The following IQCM variants were observed in gnomAD, a reference collection of about 807,000 sequenced individuals.
IQCM encodes the protein IQ motif containing M.
A neutral mutation model predicts 57.6 loss-of-function variants in IQCM; 45 were observed. That is an observed-to-expected ratio of 0.78 (90% confidence interval 0.62 to 1.00). The LOEUF is 1.00. Among genes scored for constraint, IQCM ranks in the 50% least tolerant of loss-of-function variants. IQCM has a pLI of 0.00. For missense variants in IQCM, 468 were observed against 511.6 expected, an observed-to-expected ratio of 0.91 and a Z score of 0.82; for synonymous variants, 148 against 158.9, an observed-to-expected ratio of 0.93 and a Z score of 0.51.
At chr4:149,808,489 A>T (rs1774278207) in intron 2 of IQCM, among the ~76,000 whole-genome samples, 1 of 152,190 alleles carries the variant, frequency 6.6e-6, no homozygotes, top group African/African-American at 2.4e-5. Context: ...TGCAGTAAAG[A>T]AATTATAGTT....
At chr4:149,573,368 A>T (rs994993780) in intron 9 of IQCM, among the ~76,000 whole-genome samples, 2 of 151,758 alleles carry the variant, frequency 1.3e-5, no homozygotes, top group Non-Finnish European at 2.9e-5. Flanking sequence ...CCTCTTCAAG[A>T]CCTTCCTTCA....
intron 7 of IQCM, among the ~76,000 whole-genome samples, chr4:149,630,460 G>T (rs1167703943): frequency 6.6e-6 from 1 of 152,136 alleles, no homozygotes; most frequent in Non-Finnish European, 1.5e-5. Context: ...AGAGGTCCTG[G>T]GGAAAAGTGG....
chr4:149,558,288 G>C (rs1291763257), intron 10 of IQCM, among the ~76,000 whole-genome samples: 1 of 152,122 alleles, frequency 6.6e-6, no homozygotes, highest in Non-Finnish European at 1.5e-5. Context: ...CAGGTTTCAA[G>C]GAGGGCATCC....
intron 5 of IQCM, among the ~76,000 whole-genome samples, chr4:149,709,905 A>G (rs1764434746): frequency 6.6e-6 from 1 of 152,162 alleles, no homozygotes; most frequent in South Asian, 2.1e-4. Flanking sequence ...GAACAAGTCT[A>G]GGAAGATATA....
intron 7 of IQCM, among the ~76,000 whole-genome samples, chr4:149,673,128 C>G (rs925780432): frequency 6.6e-6 from 1 of 152,064 alleles, no homozygotes; most frequent in Non-Finnish European, 1.5e-5. Flanking sequence ...GAAGGAAGCA[C>G]TAAGCATGGA....
At chr4:149,609,130 T>C (rs565842778) in intron 8 of IQCM, among the ~76,000 whole-genome samples, 1 of 151,804 alleles carries the variant, frequency 6.6e-6, no homozygotes, top group East Asian at 1.9e-4. Flanking sequence ...GCTAATTAAT[T>C]GGAAAGCCTA....
At chr4:149,459,815 T>C (rs1738082686) in intron 12 of IQCM, among the ~76,000 whole-genome samples, 1 of 152,220 alleles carries the variant, frequency 6.6e-6, no homozygotes, top group Non-Finnish European at 1.5e-5. Flanking sequence ...ATATACCACA[T>C]TTTGCTTATC....
chr4:149,374,312 T>C (rs950318266), intron 13 of IQCM, among the ~76,000 whole-genome samples: 1 of 152,202 alleles, frequency 6.6e-6, no homozygotes, highest in Non-Finnish European at 1.5e-5. Context: ...GTCTATTTCC[T>C]GCCCTGGGTT....
At chr4:149,529,245 G>A (rs1746492089) in intron 12 of IQCM, among the ~76,000 whole-genome samples, 1 of 152,200 alleles carries the variant, frequency 6.6e-6, no homozygotes, top group South Asian at 2.1e-4. Flanking sequence ...TGTATTTTTA[G>A]TAGAGATGGG....
At chr4:149,718,792 G>A (rs980636009) in intron 5 of IQCM, among the ~76,000 whole-genome samples, 5 of 152,082 alleles carry the variant, frequency 3.3e-5, no homozygotes, top group African/African-American at 1.2e-4. Flanking sequence ...TGGTCTCTTT[G>A]TGTTTTCCTC....
chr4:149,414,542 G>A (rs182996953), intron 13 of IQCM, among the ~76,000 whole-genome samples: 2 of 152,058 alleles, frequency 1.3e-5, no homozygotes, highest in Non-Finnish European at 2.9e-5. Context: ...AATAATCATC[G>A]ATACACTCAG....
intron 7 of IQCM, among the ~76,000 whole-genome samples, chr4:149,678,878 C>G (rs1761968476): frequency 6.6e-6 from 1 of 151,324 alleles, no homozygotes; most frequent in Non-Finnish European, 1.5e-5. Flanking sequence ...AAAAGACAGG[C>G]AATAAAAGAT....
intron 13 of IQCM, among the ~76,000 whole-genome samples, chr4:149,368,587 G>A (rs1730004011): frequency 1.3e-5 from 2 of 150,908 alleles, no homozygotes; most frequent in Non-Finnish European, 3.0e-5. Context: ...CTGTTTCTAA[G>A]CAAGGACATG....
At chr4:149,419,867 C>A (rs1319221748) in intron 13 of IQCM, among the ~76,000 whole-genome samples, 2 of 151,940 alleles carry the variant, frequency 1.3e-5, no homozygotes, top group Non-Finnish European at 2.9e-5. Flanking sequence ...AAGACATTGA[C>A]ATGGCCAACA....
At chr4:149,750,858 C>G (rs1299118407) in intron 2 of IQCM, among the ~76,000 whole-genome samples, 1 of 152,176 alleles carries the variant, frequency 6.6e-6, no homozygotes, top group Non-Finnish European at 1.5e-5. Context: ...GAGGCCAAAA[C>G]TGTTCAACTG....
chr4:149,755,475 G>T, intron 2 of IQCM, among the ~76,000 whole-genome samples: 1 of 152,000 alleles, frequency 6.6e-6, no homozygotes, highest in East Asian at 1.9e-4. Context: ...ATTTGCATTT[G>T]CTACCTTATT....
At chr4:149,757,729 C>G (rs901478057) in intron 2 of IQCM, among the ~76,000 whole-genome samples, 1 of 126,424 alleles carries the variant, frequency 7.9e-6, no homozygotes, top group African/African-American at 2.9e-5. Flanking sequence ...AGATATATTC[C>G]TGATATTATA....
chr4:149,788,105 G>A (rs531140458), intron 2 of IQCM, among the ~76,000 whole-genome samples: 10 of 152,292 alleles, frequency 6.6e-5, no homozygotes, highest in East Asian at 5.8e-4. Flanking sequence ...AGGCCAAGGC[G>A]GGCAGATCAC....
intron 5 of IQCM, among the ~76,000 whole-genome samples, chr4:149,712,926 C>A (rs1764684296): frequency 6.6e-6 from 1 of 152,160 alleles, no homozygotes; most frequent in South Asian, 2.1e-4. Flanking sequence ...GGTCAGGATA[C>A]AAATAAGGGG....
Sources: allele counts gnomAD v4.1 joint callset (sites outside exome capture counted in the v4.1 genomes callset), GRCh38; gene constraint gnomAD v4.1.1; transcripts MANE v1.5; gene names NCBI Gene and HGNC (gene_info 2026-07-23, HGNC 2026-07-21).